The following LPIN1 variants were observed in gnomAD, a reference collection of about 807,000 sequenced individuals.
LPIN1 encodes lipin 1.
LPIN1 carries 71 observed loss-of-function variants against 107.5 expected under a neutral mutation model. The observed-to-expected ratio is 0.66, with a 90% CI of 0.55 to 0.80. LPIN1 has a LOEUF of 0.80. Ranked by LOEUF, LPIN1 falls within the 30% of genes least tolerant of loss-of-function variation. The pLI is 0.00. For synonymous variants in LPIN1, 445 were observed against 452.6 expected, an observed-to-expected ratio of 0.98 and a Z score of 0.21; for missense variants, 1,043 against 1,160.6, an observed-to-expected ratio of 0.90 and a Z score of 1.47.
chr2:11,688,515 A>G (rs750598181), intron 1 of LPIN1, among the ~76,000 whole-genome samples: 25 of 151,802 alleles, frequency 1.6e-4, no homozygotes, highest in Non-Finnish European at 4.4e-5. Context: ...CCTGTTCCTC[A>G]TTTACCCCGT....
intron 1 of LPIN1, among the ~76,000 whole-genome samples, chr2:11,701,783 C>T (rs753794062): frequency 2.6e-5 from 4 of 152,188 alleles, no homozygotes; most frequent in Non-Finnish European, 4.4e-5. Flanking sequence ...CAGTCCGATT[C>T]TAAAGCCTGT....
At chr2:11,738,569 G>T (rs1454721301) in intron 1 of LPIN1, among the ~76,000 whole-genome samples, 1 of 149,616 alleles carries the variant, frequency 6.7e-6, no homozygotes, top group Non-Finnish European at 1.5e-5. Context: ...ACAAGTATGT[G>T]AAACAACAGT....
intron 1 of LPIN1, among the ~76,000 whole-genome samples, chr2:11,693,116 T>C (rs1263236577): frequency 2.0e-5 from 3 of 151,124 alleles, no homozygotes; most frequent in Non-Finnish European, 4.4e-5. Flanking sequence ...GTCGGAGAAA[T>C]AGAAAAGGCG....
chr2:11,786,422 A>G lies in LPIN1; in HGVS notation c.1550-652A>G, dbSNP rs1053091228. ...AGGCTTAAGGTACAGCCCAGCTGCCAGAGCCCGTCAAAGAACTGAGGGTCC... is the reference window on the plus strand; with the variant it reads ...AGGCTTAAGGTACAGCCCAGCTGCCGGAGCCCGTCAAAGAACTGAGGGTCC... On this transcript the variant is annotated intron_variant, in intron 10 of 20. Coordinates refer to ENST00000674199, the MANE Select transcript of LPIN1 (RefSeq NM_001349206.2). This position sits in a 1 kb window ranked among gnomAD's most constrained non-coding sequence, Gnocchi z 4.1. 3.0e-4 allele frequency among the ~76,000 whole-genome samples: 45 copies of G among 152,154 alleles called. No individual in the cohort carries two copies. The highest frequency in any genetic ancestry group is 9.9e-4 in the African/African-American group (41 of 41,434).
intron 7 of LPIN1, among the ~76,000 whole-genome samples, chr2:11,780,921 A>G (rs1056748799): frequency 2.0e-5 from 3 of 152,260 alleles, no homozygotes; most frequent in African/African-American, 7.2e-5. Flanking sequence ...ATGTAGGTAC[A>G]TAACTGGTTC....
chr2:11,780,391 A>G (rs924482648), intron 7 of LPIN1, among the ~76,000 whole-genome samples: 2 of 152,162 alleles, frequency 1.3e-5, no homozygotes, highest in African/African-American at 2.4e-5. Context: ...TGGAATCCAC[A>G]TGTTCTTGTG....
intron 1 of LPIN1, among the ~76,000 whole-genome samples, chr2:11,724,793 G>A (rs942562017): frequency 4.6e-5 from 7 of 152,238 alleles, no homozygotes; most frequent in Non-Finnish European, 8.8e-5. Context: ...TGTGCAACAA[G>A]ACAGGGAGTT....
At chr2:11,778,555 C>G (rs1673041043) in intron 6 of LPIN1, among the ~76,000 whole-genome samples, 1 of 152,182 alleles carries the variant, frequency 6.6e-6, no homozygotes, top group Admixed American at 6.5e-5. Flanking sequence ...CCAGAAGCAT[C>G]AGTTTCCGAA....
intron 1 of LPIN1, among the ~76,000 whole-genome samples, chr2:11,687,197 T>A (rs201729783): frequency 6.6e-6 from 1 of 151,996 alleles, no homozygotes; most frequent in Non-Finnish European, 1.5e-5. Flanking sequence ...GGGATCTTGC[T>A]CTGTTGTCCA....
At chr2:11,778,883 C>T (rs1385333324) in intron 6 of LPIN1, among the ~76,000 whole-genome samples, 4 of 152,106 alleles carry the variant, frequency 2.6e-5, no homozygotes, top group Admixed American at 6.5e-5. Context: ...GGTTACTGAG[C>T]GAGCCTTAAC....
chr2:11,786,802 C>T lies in LPIN1; in HGVS notation c.1550-272C>T, dbSNP rs536776193. On this transcript the variant is annotated intron_variant, in intron 10 of 20. Transcript: ENST00000674199. This position sits in a 1 kb window ranked among gnomAD's most constrained non-coding sequence, Gnocchi z 4.1. ...AGATGCACGTGTGTGCTGTTTTCACCCCTACTCCCTGTGTGAACGTATGTG... is the reference window on the plus strand; with the variant it reads ...AGATGCACGTGTGTGCTGTTTTCACTCCTACTCCCTGTGTGAACGTATGTG... Among the ~76,000 whole-genome samples the T allele has an allele frequency of 5.2e-4, 79 of 152,330 alleles. 3 individuals carry two copies. The South Asian group carries it at 0.016, about 31-fold the overall frequency.
Position 11,803,703 on chromosome 2 carries a change from C to G in LPIN1, c.2013+670C>G, listed in dbSNP as rs1168695471. On this transcript the variant is annotated intron_variant, in intron 15 of 20. Coordinates refer to ENST00000674199, the MANE Select transcript of LPIN1 (RefSeq NM_001349206.2). This position sits in a 1 kb window ranked among gnomAD's most constrained non-coding sequence, Gnocchi z 4.2. ...ACCCACTCAGGCCATGTGTGGGACC[C>G]TGCAGCCTGGGGGTCTCTGTGTGAC... Among the ~76,000 whole-genome samples the G allele has an allele frequency of 6.6e-6, 1 of 152,054 alleles. No individual in the cohort carries two copies. Among genetic ancestry groups the G allele is most frequent in the East Asian group, 1.9e-4 (1 of 5,160 alleles).
intron 1 of LPIN1, chr2:11,683,418 A>G (rs1264640379): frequency 6.6e-6 from 1 of 152,296 alleles, no homozygotes; most frequent in East Asian, 1.9e-4. Flanking sequence ...TGGGCTGGGT[A>G]TACTTGAAAT....
At chr2:11,787,011 G>A (rs939598144) in intron 10 of LPIN1, 63 bp from the exon 11 acceptor site, 4 of 1,073,596 alleles carry the variant, frequency 3.7e-6, no homozygotes, top group African/African-American at 3.1e-5. Flanking sequence ...ATGAAAGGTA[G>A]GCCTAATTTT....
At chr2:11,694,047 T>C (rs893322276) in intron 1 of LPIN1, among the ~76,000 whole-genome samples, 3 of 151,630 alleles carry the variant, frequency 2.0e-5, no homozygotes, top group Admixed American at 6.6e-5. Flanking sequence ...TTGGCCAGGC[T>C]GGTCTTGAAC....
At chr2:11,773,511 G>T in intron 4 of LPIN1, 109 bp from the exon 5 acceptor site, 1 of 938,244 alleles carries the variant, frequency 1.1e-6, no homozygotes, top group Non-Finnish European at 1.7e-6. Flanking sequence ...TGTTTAAAGA[G>T]ATCATGTTAA....
intron 1 of LPIN1, among the ~76,000 whole-genome samples, chr2:11,748,341 C>T (rs565167707): frequency 1.3e-5 from 2 of 152,314 alleles, no homozygotes; most frequent in South Asian, 4.1e-4. Context: ...CTGAGATGCG[C>T]CGAGGCCGGC....
At chr2:11,792,640 C>T (rs980414923) in intron 13 of LPIN1, among the ~76,000 whole-genome samples, 1 of 152,156 alleles carries the variant, frequency 6.6e-6, no homozygotes, top group Admixed American at 6.5e-5. Flanking sequence ...GCCTAGGCCT[C>T]CGAAAGTGTT....
intron 1 of LPIN1, among the ~76,000 whole-genome samples, chr2:11,693,788 G>GTA (rs869167624): frequency 2.2e-3 from 91 of 40,984 alleles, no homozygotes; most frequent in African/African-American, 7.8e-3. Flanking sequence ...GTGTGAGTGT[G>GTA]TATATATATA....
Sources: gnomAD v4.1 joint callset for allele counts (sites outside exome capture counted in the v4.1 genomes callset) on GRCh38, gnomAD v4.1.1 for gene constraint, Gnocchi (gnomAD v3.1) non-coding constraint, MANE v1.5 for transcripts, NCBI Gene and HGNC (gene_info 2026-07-23, HGNC 2026-07-21) for gene names.